ZNF28: variants seen among roughly 807,000 people sequenced by gnomAD.
ZNF28 encodes zinc finger protein 28.
ZNF28 carries 5 observed loss-of-function variants against 7.2 expected under a neutral mutation model. That is an observed-to-expected ratio of 0.70 (90% CI 0.36 to 1.46). The LOEUF is 1.46. ZNF28 is among the 40% of genes most tolerant of loss of function. ZNF28 has a pLI of 0.03. For missense variants in ZNF28, 879 were observed against 866.6 expected (o/e 1.01, Z -0.18); for synonymous variants, 288 against 292.4 (o/e 0.99, Z 0.15).
chr19:52,807,942 C>G, intron 3 of ZNF28, 65 bp downstream of exon 3: 1 of 1,607,786 alleles, frequency 6.2e-7, no homozygotes, highest in Non-Finnish European at 8.5e-7. Flanking sequence ...GGATGTGGCT[C>G]CCAAGAGGCA....
chr19:52,801,826 T>G (rs1336632429), intron 3 of ZNF28, 124 bp from the exon 4 acceptor site: 2 of 928,744 alleles, frequency 2.2e-6, no homozygotes, highest in Non-Finnish European at 3.2e-6. Context: ...CTTCAAAGTT[T>G]AAGAACACAA....
At chr19:52,804,102 A>G (rs557713902) in intron 3 of ZNF28, among the ~76,000 whole-genome samples, 18 of 152,228 alleles carry the variant, frequency 1.2e-4, no homozygotes, top group Non-Finnish European at 2.2e-4. Flanking sequence ...GTGCATTTAT[A>G]GAGACATTAA....
In ZNF28 at chr19:52,798,368, C is replaced by T. The variant is rs1600416017; in HGVS notation, c.*1320G>A. ...ACTCAATGTTAAGTCAACTCAAACT[C>T]AGGTCAGTGCTCATTTAACTGTAAT... On this transcript the variant is annotated 3_prime_UTR_variant, in exon 4 of 4. Transcript: ENST00000457749. The T allele has an allele frequency of 2.9e-6, 1 of 345,950 alleles. No homozygotes were observed. Among genetic ancestry groups the T allele is most frequent in the East Asian group, 8.3e-5 (1 of 12,016 alleles). 21.4% of individuals were successfully genotyped at this position (345,950 alleles called of 1,614,324 possible).
intron 2 of ZNF28, among the ~76,000 whole-genome samples, chr19:52,816,091 T>C (rs990245004): frequency 2.0e-5 from 3 of 147,390 alleles, no homozygotes; most frequent in African/African-American, 7.8e-5. Context: ...CCAGTGAGGC[T>C]GGAAGGAGGG....
Position 52,800,962 on chromosome 19 carries a change from C to A in ZNF28, c.883G>T (p.Ala295Ser). ...SLFLHKALHT[A>S]DKPYECEECD... ...TCTTCACATTCATAAGGTTTGTCTG[C>A]AGTATGAAGCGCCTTGTGAAGGAAG... The change falls in exon 4 of 4, where the codon GCA becomes TCA. Residue 295 changes from alanine to serine, a missense_variant. Coordinates refer to ENST00000457749, the MANE Select transcript of ZNF28 (RefSeq NM_006969.5). 1 of 1,614,108 alleles carries A rather than the reference C, an allele frequency of 6.2e-7. No individual in the cohort carries two copies. Among genetic ancestry groups the A allele is most frequent in the Non-Finnish European group, 8.5e-7 (1 of 1,180,016 alleles).
At position 52,797,941 on chromosome 19, in the gene ZNF28, C is replaced by T. The variant is rs7252051; in HGVS notation, c.*1747G>A. The stretch of plus-strand genomic sequence containing the variant: ...ATCGAGACCATCCAGGCTAACACAG[C>T]GAAACCCAGTCTCTACTAAAAATAC... On this transcript the variant is annotated 3_prime_UTR_variant, in exon 4 of 4. Transcript: ENST00000457749. 132,368 of 152,092 alleles carry T rather than the reference C, an allele frequency of 0.87. 57,836 individuals are homozygous for T. The highest frequency in any genetic ancestry group is 0.91 in the East Asian group (4,672 of 5,154). 9.4% of individuals were successfully genotyped at this position (152,092 alleles called of 1,614,324 possible).
chr19:52,817,905 G>T (rs1334535896), intron 2 of ZNF28, 39 bp downstream of exon 2: 3 of 1,608,966 alleles, frequency 1.9e-6, no homozygotes, highest in East Asian at 2.2e-5. Context: ...GTTTCTGAAA[G>T]GAAGGAGACA....
In ZNF28 at chr19:52,815,620, C is replaced by T. The variant is rs183339883; in HGVS notation, c.15+2324G>A. Among the ~76,000 whole-genome samples, 34 of 146,452 alleles carry T rather than the reference C, an allele frequency of 2.3e-4. 2 individuals carry two copies. The highest frequency in any genetic ancestry group is 6.9e-3 in the Middle Eastern group (2 of 290). ...CGGGCGAATCATGAGGTCAGGAGAT[C>T]GAGACCATCCTGGCTACCACAATGA... On this transcript the variant is annotated intron_variant, in intron 2 of 3. Transcript: ENST00000457749.
chr19:52,817,143 T>C (rs960467248), intron 2 of ZNF28, among the ~76,000 whole-genome samples: 2 of 152,124 alleles, frequency 1.3e-5, no homozygotes, highest in East Asian at 1.9e-4. Flanking sequence ...GAAGCCAAAG[T>C]AGGCGGATCG....
chr19:52,802,911 C>G (rs1268417078), intron 3 of ZNF28, among the ~76,000 whole-genome samples: 2 of 150,476 alleles, frequency 1.3e-5, no homozygotes, highest in African/African-American at 2.4e-5. Context: ...CAGGCACACA[C>G]CGCCATGTCC....
intron 3 of ZNF28, chr19:52,805,543 C>T (rs767138712): frequency 6.6e-6 from 1 of 151,898 alleles, no homozygotes; most frequent in Non-Finnish European, 1.5e-5. Flanking sequence ...AGGAGAATTG[C>T]TTGAACCCAG....
chr19:52,800,914 T>A lies in ZNF28; in HGVS notation c.931A>T (p.Lys311Ter), dbSNP rs1339328650. 6.6e-5 allele frequency: 106 copies of A among 1,614,024 alleles called. No individual in the cohort carries two copies. The highest frequency in any genetic ancestry group is 8.7e-5 in the Non-Finnish European group (103 of 1,180,000). The stretch of plus-strand genomic sequence containing the variant: ...ATCTTATGTGTTTCAAGGTGTGATT[T>A]GCGACTGAAAACTTTGTCACATTCT... ...CEECDKVFSR[K>*]SHLETHKIIY... The change falls in exon 4 of 4, where the codon AAA (lysine) becomes TAA (stop). Residue 311 changes from lysine to a stop codon, truncating the protein, a stop_gained. Coordinates refer to ENST00000457749, the MANE Select transcript of ZNF28 (RefSeq NM_006969.5). LOFTEE classifies it low-confidence loss of function (END_TRUNC).
chr19:52,801,007 A>G lies in ZNF28; in HGVS notation c.838T>C (p.Phe280Leu). The change falls in exon 4 of 4, where the codon TTT becomes CTT. Residue 280 changes from phenylalanine (F) to leucine (L), a missense_variant. This residue lies in a region of ZNF28 where 864 missense variants were observed against 830.2 expected (regional missense o/e 1.04). Coordinates refer to ENST00000457749, the MANE Select transcript of ZNF28 (RefSeq NM_006969.5). ...PYKCNECGKIFGHNTSLFLHK... is the reference protein window; with the variant it reads ...PYKCNECGKILGHNTSLFLHK... ...AGGAAGAGGGATGTATTGTGACCAA[A>G]GATCTTGCCACACTCATTACACTTG... 6.2e-7 allele frequency: 1 copy of G among 1,614,192 alleles called. No homozygotes were observed. Among genetic ancestry groups the G allele is most frequent in the African/African-American group, 1.3e-5 (1 of 75,060 alleles).
chr19:52,799,214 T>C lies in ZNF28; in HGVS notation c.*474A>G. 2.6e-6 allele frequency: 1 copy of C among 389,302 alleles called. No individual in the cohort carries two copies. The highest frequency in any genetic ancestry group is 5.0e-6 in the Non-Finnish European group (1 of 200,032). 24.1% of individuals were successfully genotyped at this position (389,302 alleles called of 1,614,324 possible). ...GTTTCTCTCCAATACGAATTGCCTT[T>C]TGAATTACAAGGTATGAATTTTGAC... On this transcript the variant is annotated 3_prime_UTR_variant, in exon 4 of 4. Coordinates refer to ENST00000457749, the MANE Select transcript of ZNF28 (RefSeq NM_006969.5).
intron 2 of ZNF28, among the ~76,000 whole-genome samples, chr19:52,809,573 C>G (rs148513795): frequency 7.0e-4 from 106 of 152,224 alleles, no homozygotes; most frequent in Non-Finnish European, 1.2e-3. Context: ...TTTAAGAGGT[C>G]AAGGCGGGTG....
chr19:52,809,831 C>CGGCGGCGGTGGCGGCGGT, intron 2 of ZNF28: 1 of 554,796 alleles, frequency 1.8e-6, no homozygotes, highest in East Asian at 3.2e-5. Flanking sequence ...AAGGCGGCGG[C>CGGCGGCGGTGGCGGCGGT]GGCGGCGGTG....
intron 2 of ZNF28, among the ~76,000 whole-genome samples, chr19:52,812,815 C>T (rs1244713519): frequency 7.1e-6 from 1 of 141,156 alleles, no homozygotes; most frequent in Non-Finnish European, 1.5e-5. Flanking sequence ...TAGAGAGTGG[C>T]ATGCTTGGAT....
intron 3 of ZNF28, chr19:52,805,668 A>AAATAAATAAATAAAT (rs1470922016): frequency 6.6e-6 from 1 of 151,402 alleles, no homozygotes; most frequent in Admixed American, 6.6e-5. Flanking sequence ...ATAAATAAAT[A>AAATAAATAAATAAAT]AAGTTCTCCA....
At chr19:52,802,390 C>T (rs200630453) in intron 3 of ZNF28, among the ~76,000 whole-genome samples, 1 of 127,936 alleles carries the variant, frequency 7.8e-6, no homozygotes, top group Admixed American at 7.6e-5. Context: ...AAACAAACAA[C>T]AAAAAAAGGC....
Sources: allele counts gnomAD v4.1 joint callset (sites outside exome capture counted in the v4.1 genomes callset), GRCh38; gene constraint gnomAD v4.1.1; regional missense constraint gnomAD v4.1.1; transcripts MANE v1.5; gene names NCBI Gene and HGNC (gene_info 2026-07-23, HGNC 2026-07-21).